Variants in DNAJC10 observed in about 807,000 individuals in gnomAD.
DNAJC10 encodes the protein DnaJ heat shock protein family (Hsp40) member C10.
In DNAJC10, 101 loss-of-function variants were observed where a neutral mutation model predicts 115.0. The ratio of observed to expected loss-of-function variants is 0.88; its 90% confidence interval spans 0.75 to 1.04. The LOEUF (loss-of-function observed/expected upper bound fraction) is 1.04. Ranked by LOEUF, DNAJC10 falls within the 50% of genes least tolerant of loss-of-function variation. DNAJC10 has a pLI of 0.00. For synonymous variants in DNAJC10, 307 were observed against 301.5 expected, an observed-to-expected ratio of 1.02 and a Z score of -0.19; for missense variants, 981 against 928.8, an observed-to-expected ratio of 1.06 and a Z score of -0.73.
At chr2:182,758,368 G>C (rs1574948341) in intron 19 of DNAJC10, among the ~76,000 whole-genome samples, 1 of 152,092 alleles carries the variant, frequency 6.6e-6, no homozygotes, top group East Asian at 1.9e-4. Flanking sequence ...CAAATGTAAG[G>C]TACATATGAT....
rs208393 is a variant in DNAJC10, at chr2:182,784,701, C to G, written c.*7569C>G. The G allele has an allele frequency of 6.6e-6, 1 of 152,008 alleles. No individual in the cohort carries two copies. Among genetic ancestry groups the G allele is most frequent in the Non-Finnish European group, 1.5e-5 (1 of 68,004 alleles). 9.4% of individuals were successfully genotyped at this position (152,008 alleles called of 1,614,324 possible). A position where few individuals can be genotyped will look rare whatever the true frequency, so the allele number is the denominator to read the frequency against. ...CATTGTAGTTGATATTATAGTAACC[C>G]TTTTAGATGTTAGTAACTTTTATTG... is the stretch of plus-strand genomic sequence containing the variant. On this transcript the variant is annotated 3_prime_UTR_variant, in exon 24 of 24. Coordinates refer to ENST00000264065, the MANE Select transcript of DNAJC10 (RefSeq NM_018981.4).
intron 10 of DNAJC10, among the ~76,000 whole-genome samples, chr2:182,733,687 A>T (rs1476835435): frequency 1.6e-4 from 2 of 12,636 alleles, no homozygotes; most frequent in Non-Finnish European, 3.3e-4. Flanking sequence ...TTTCTTTCTC[A>T]ATTTTTTTTT....
chr2:182,740,592 A>C (rs1693708557), intron 12 of DNAJC10, among the ~76,000 whole-genome samples: 1 of 152,178 alleles, frequency 6.6e-6, no homozygotes, highest in South Asian at 2.1e-4. Flanking sequence ...GTAGTTCTGG[A>C]AAACCTACTC....
intron 17 of DNAJC10, among the ~76,000 whole-genome samples, chr2:182,755,952 A>G (rs549195446): frequency 1.3e-5 from 2 of 152,316 alleles, no homozygotes; most frequent in African/African-American, 4.8e-5. Flanking sequence ...AATGAGCAAA[A>G]TCCAAACTTA....
At chr2:182,748,654 A>T (rs572301746) in intron 14 of DNAJC10, among the ~76,000 whole-genome samples, 31 of 152,058 alleles carry the variant, frequency 2.0e-4, no homozygotes, top group African/African-American at 7.0e-4. Context: ...GCGGTCTATC[A>T]GTTTTGTTGA....
At chr2:182,754,897 G>T in intron 16 of DNAJC10, 106 bp from the exon 17 acceptor site, 1 of 1,280,190 alleles carries the variant, frequency 7.8e-7, no homozygotes, top group Non-Finnish European at 1.1e-6. Context: ...TTTAGAAATG[G>T]GTTTTTAAAA....
chr2:182,735,496 T>C (rs772559900), intron 10 of DNAJC10, among the ~76,000 whole-genome samples: 11 of 152,058 alleles, frequency 7.2e-5, no homozygotes, highest in Non-Finnish European at 1.3e-4. Flanking sequence ...ATGATATACA[T>C]AGGTCTTGAG....
rs1403026037 is a variant in DNAJC10, at chr2:182,784,947, T to A, written c.*7815T>A. On this transcript the variant is annotated 3_prime_UTR_variant, in exon 24 of 24. Transcript: ENST00000264065. ...TGATAAAATGCCATTTCTACCTCAG[T>A]ACTTGATAAGAATCACACAGTCTAG... 1 of 152,212 alleles carries A rather than the reference T, an allele frequency of 6.6e-6. No homozygotes were observed. The highest frequency in any genetic ancestry group is 2.4e-5 in the African/African-American group (1 of 41,456). 9.4% of individuals were successfully genotyped at this position (152,212 alleles called of 1,614,324 possible).
chr2:182,761,387 G>T (rs1485412420), intron 21 of DNAJC10, among the ~76,000 whole-genome samples: 1 of 151,970 alleles, frequency 6.6e-6, no homozygotes, highest in South Asian at 2.1e-4. Context: ...TCTTACTTTC[G>T]GTATGCAAGT....
In DNAJC10 at chr2:182,791,846, A is replaced by G. The variant is rs1358149456; in HGVS notation, c.*14714A>G. The G allele has an allele frequency of 6.6e-6, 1 of 152,214 alleles. No homozygotes were observed. Among genetic ancestry groups the G allele is most frequent in the East Asian group, 1.9e-4 (1 of 5,202 alleles). 9.4% of individuals were successfully genotyped at this position (152,214 alleles called of 1,614,324 possible). ...TAATTGCAATATGGAAATAGATACT[A>G]AAAAATCTAAATTGCATCTTACATT... On this transcript the variant is annotated 3_prime_UTR_variant, in exon 24 of 24. Coordinates refer to ENST00000264065, the MANE Select transcript of DNAJC10 (RefSeq NM_018981.4).
chr2:182,740,461 A>AGC, intron 12 of DNAJC10, 73 bp downstream of exon 12: 1 of 1,391,382 alleles, frequency 7.2e-7, no homozygotes, highest in South Asian at 1.5e-5. Flanking sequence ...TTTTAAAATT[A>AGC]GCATTTGTTT....
Position 182,757,718 on chromosome 2 carries a change from C to T in DNAJC10, c.1836C>T (p.Gly612=), listed in dbSNP as rs1694192435. The change falls in exon 19 of 24, where the codon GGC becomes GGT. Residue 612 remains glycine (G), a synonymous_variant. Coordinates refer to ENST00000264065, the MANE Select transcript of DNAJC10 (RefSeq NM_018981.4). ...CATTAACTGGACTGATCAACGTGGGCAGTATAGATTGCCAACAGTATCATT... is the reference window on the plus strand; with the variant it reads ...CATTAACTGGACTGATCAACGTGGGTAGTATAGATTGCCAACAGTATCATT... ...ARTLTGLINV[G]SIDCQQYHSF... is the part of the protein sequence containing the mutation. The T allele has an allele frequency of 6.3e-7, 1 of 1,593,532 alleles. No homozygotes were observed. The highest frequency in any genetic ancestry group is 1.2e-5 in the South Asian group (1 of 86,174).
intron 14 of DNAJC10, 82 bp downstream of exon 14, chr2:182,743,794 T>A: frequency 1.1e-6 from 1 of 948,520 alleles, no homozygotes; most frequent in East Asian, 2.5e-5. Context: ...TTAAACTTAT[T>A]TTTTACGGAC....
chr2:182,758,129 A>G (rs1037829545), intron 19 of DNAJC10, among the ~76,000 whole-genome samples: 6 of 152,178 alleles, frequency 3.9e-5, no homozygotes, highest in African/African-American at 9.7e-5. Context: ...CTTATTTCCA[A>G]TAATCCTCAC....
intron 22 of DNAJC10, among the ~76,000 whole-genome samples, chr2:182,769,538 T>C (rs1694505445): frequency 6.6e-6 from 1 of 152,254 alleles, no homozygotes; most frequent in Non-Finnish European, 1.5e-5. Context: ...TGAGATGGTA[T>C]CTCATTGTGG....
At chr2:182,716,634 C>T (rs552832534) in intron 1 of DNAJC10, among the ~76,000 whole-genome samples, 151 bp downstream of exon 1, 5 of 152,350 alleles carry the variant, frequency 3.3e-5, no homozygotes, top group African/African-American at 9.6e-5. Context: ...CACCTTCCTC[C>T]TCCCTGTTAT....
intron 22 of DNAJC10, among the ~76,000 whole-genome samples, chr2:182,771,269 G>C (rs976134844): frequency 1.3e-5 from 2 of 152,084 alleles, no homozygotes; most frequent in Non-Finnish European, 2.9e-5. Flanking sequence ...GTTCATCAGG[G>C]ATATTGGTCT....
chr2:182,742,364 A>G (rs1280558821), intron 13 of DNAJC10, among the ~76,000 whole-genome samples: 1 of 152,080 alleles, frequency 6.6e-6, no homozygotes, highest in Non-Finnish European at 1.5e-5. Context: ...TAATTTTTGT[A>G]CTTTTAACAG....
intron 4 of DNAJC10, among the ~76,000 whole-genome samples, chr2:182,721,715 C>A (rs891622529): frequency 6.6e-6 from 1 of 151,916 alleles, no homozygotes; most frequent in South Asian, 2.1e-4. Context: ...TTTGCACCTT[C>A]CTGAATCTGT....
Sources: gnomAD v4.1 joint callset for allele counts (sites outside exome capture counted in the v4.1 genomes callset) on GRCh38, gnomAD v4.1.1 for gene constraint, MANE v1.5 for transcripts, NCBI Gene and HGNC (gene_info 2026-07-23, HGNC 2026-07-21) for gene names.